The following COL24A1 variants were observed in gnomAD, a reference collection of about 807,000 sequenced individuals.
COL24A1 encodes the protein collagen alpha-1(XXIV) chain.
In COL24A1, 224 loss-of-function variants were observed where a neutral mutation model predicts 253.9. The observed-to-expected ratio is 0.88, with a 90% CI of 0.79 to 0.99. The LOEUF is 0.99. Among genes scored for constraint, COL24A1 ranks in the 50% least tolerant of loss-of-function variants. The pLI, the probability that COL24A1 is intolerant of heterozygous loss-of-function variation, is 0.00. For missense variants in COL24A1, 2,131 were observed against 2,068.5 expected (o/e 1.03, Z -0.59); for synonymous variants, 685 against 673.7 (o/e 1.02, Z -0.26).
intron 37 of COL24A1, among the ~76,000 whole-genome samples, chr1:85,850,221 T>A (rs555748144): frequency 1.5e-4 from 23 of 152,268 alleles, no homozygotes; most frequent in African/African-American, 5.1e-4. Flanking sequence ...GTAAGCCAGG[T>A]TGCAAGTTCT....
At chr1:85,992,006 T>G (rs539080282) in intron 19 of COL24A1, among the ~76,000 whole-genome samples, 1 of 152,120 alleles carries the variant, frequency 6.6e-6, no homozygotes, top group African/African-American at 2.4e-5. Flanking sequence ...TGTGCCATGT[T>G]GGTGTGCTGC....
intron 20 of COL24A1, among the ~76,000 whole-genome samples, chr1:85,980,409 T>A (rs1248753305): frequency 6.6e-6 from 1 of 152,180 alleles, no homozygotes; most frequent in African/African-American, 2.4e-5. Flanking sequence ...GCTGATGATA[T>A]GATTGTATAC....
At chr1:85,851,688 T>C (rs896831513) in intron 37 of COL24A1, among the ~76,000 whole-genome samples, 1 of 152,188 alleles carries the variant, frequency 6.6e-6, no homozygotes, top group African/African-American at 2.4e-5. Flanking sequence ...GAAAAACGTA[T>C]AGCTACTCAT....
intron 32 of COL24A1, chr1:85,883,670 T>G (rs907029359): frequency 6.6e-6 from 1 of 152,218 alleles, no homozygotes; most frequent in Non-Finnish European, 1.5e-5. Flanking sequence ...TTTTCTTTCT[T>G]TTTTTAAAAA....
At chr1:86,099,440 C>A (rs1176670946) in intron 5 of COL24A1, among the ~76,000 whole-genome samples, 1 of 151,980 alleles carries the variant, frequency 6.6e-6, no homozygotes, top group Non-Finnish European at 1.5e-5. Flanking sequence ...ATTAACAAAG[C>A]CAAATATTGA....
At chr1:85,808,357 T>C (rs896452718) in intron 47 of COL24A1, among the ~76,000 whole-genome samples, 2 of 152,214 alleles carry the variant, frequency 1.3e-5, no homozygotes, top group African/African-American at 4.8e-5. Flanking sequence ...TGGGGGATGA[T>C]GCCAATTACA....
chr1:86,071,043 G>C (rs1701839066), intron 7 of COL24A1, among the ~76,000 whole-genome samples: 1 of 152,032 alleles, frequency 6.6e-6, no homozygotes, highest in Non-Finnish European at 1.5e-5. Flanking sequence ...ACAAGACATA[G>C]ACAGTATAAA....
intron 55 of COL24A1, among the ~76,000 whole-genome samples, chr1:85,760,022 A>G (rs1438602420): frequency 6.6e-6 from 1 of 151,900 alleles, no homozygotes; most frequent in Non-Finnish European, 1.5e-5. Context: ...AGAATAAACA[A>G]GTGGAAAGTG....
intron 20 of COL24A1, 142 bp downstream of exon 20, chr1:85,987,459 T>C (rs1693817174): frequency 5.4e-6 from 4 of 743,478 alleles, no homozygotes; most frequent in Non-Finnish European, 8.9e-6. Flanking sequence ...ATCTGAAACC[T>C]AAAGTTTATT....
At chr1:85,744,954 A>G (rs1665052255) in intron 56 of COL24A1, 120 bp from the exon 57 acceptor site, 1 of 706,606 alleles carries the variant, frequency 1.4e-6, no homozygotes. Context: ...TGTAAAGAAC[A>G]GTTTATATTT....
At chr1:85,737,020 TTATAA>T (rs1664128176) in intron 58 of COL24A1, among the ~76,000 whole-genome samples, 1 of 152,150 alleles carries the variant, frequency 6.6e-6, no homozygotes, top group African/African-American at 2.4e-5. Flanking sequence ...TTTTTAATGA[TTATAA>T]TATAATTTTC....
intron 24 of COL24A1, among the ~76,000 whole-genome samples, chr1:85,936,243 A>T (rs529055235): frequency 6.8e-6 from 1 of 147,428 alleles, no homozygotes; most frequent in East Asian, 2.1e-4. Context: ...CTAGTCTCTG[A>T]ACTCTACCAG....
At chr1:85,908,837 A>T (rs191948513) in intron 26 of COL24A1, among the ~76,000 whole-genome samples, 186 bp from the exon 27 acceptor site, 1 of 151,766 alleles carries the variant, frequency 6.6e-6, no homozygotes, top group South Asian at 2.1e-4. Context: ...ATAAAAAAAA[A>T]TTTTCTGTAG....
At chr1:85,951,765 C>T (rs775973587) in intron 24 of COL24A1, among the ~76,000 whole-genome samples, 17 of 152,120 alleles carry the variant, frequency 1.1e-4, no homozygotes, top group Non-Finnish European at 2.1e-4. Flanking sequence ...TATCAACATA[C>T]CAGAAAAACA....
chr1:85,737,565 T>TA, intron 57 of COL24A1, 60 bp from the exon 58 acceptor site: 4 of 1,205,810 alleles, frequency 3.3e-6, no homozygotes, highest in Non-Finnish European at 4.6e-6. Flanking sequence ...CCTTATAATT[T>TA]CTTTTTTTTT....
chr1:85,777,400 C>T (rs945854794), intron 52 of COL24A1, among the ~76,000 whole-genome samples: 10 of 151,938 alleles, frequency 6.6e-5, no homozygotes, highest in African/African-American at 2.4e-4. Flanking sequence ...AGAAATATTG[C>T]TGTTTTAAAA....
At chr1:86,118,461 T>C (rs192380110) in intron 3 of COL24A1, among the ~76,000 whole-genome samples, 1 of 152,342 alleles carries the variant, frequency 6.6e-6, no homozygotes, top group Admixed American at 6.5e-5. Context: ...GGTAAATCTA[T>C]TCAATAGTCC....
chr1:86,132,674 G>T lies in COL24A1; in HGVS notation c.122-6460C>A, dbSNP rs192151565. Among the ~76,000 whole-genome samples the T allele has an allele frequency of 3.9e-5, 6 of 152,258 alleles. No individual in the cohort carries two copies. In the East Asian group the frequency reaches 9.7e-4, roughly 24 times the overall value. ...CAGATTTGTTAAAGATCAGACAGTT[G>T]TAGATATGTGGCATTATGTCTGAGG... On this transcript the variant is annotated intron_variant, in intron 2 of 59. Coordinates refer to ENST00000370571, the MANE Select transcript of COL24A1 (RefSeq NM_152890.7).
chr1:85,771,230 C>A (rs1429718588), intron 53 of COL24A1, among the ~76,000 whole-genome samples: 1 of 152,070 alleles, frequency 6.6e-6, no homozygotes, highest in African/African-American at 2.4e-5. Flanking sequence ...TTAGGTATTT[C>A]TCCTAATGTT....
Sources: allele counts gnomAD v4.1 joint callset (sites outside exome capture counted in the v4.1 genomes callset), GRCh38; gene constraint gnomAD v4.1.1; transcripts MANE v1.5; gene names NCBI Gene and HGNC (gene_info 2026-07-23, HGNC 2026-07-21).